ADAMTS6: variants seen among roughly 807,000 people sequenced by gnomAD.
ADAMTS6 encodes ADAM metallopeptidase with thrombospondin type 1 motif 6.
ADAMTS6 carries 23 observed loss-of-function variants against 144.3 expected under a neutral mutation model. The observed-to-expected ratio is 0.16, with a 90% CI of 0.11 to 0.23. ADAMTS6 has a LOEUF of 0.23. Ranked by LOEUF, ADAMTS6 falls within the 10% of genes least tolerant of loss-of-function variation. ADAMTS6 has a pLI of 1.00. For missense variants in ADAMTS6, 999 were observed against 1,379.6 expected, an observed-to-expected ratio of 0.72 and a Z score of 4.37; for synonymous variants, 444 against 457.5, an observed-to-expected ratio of 0.97 and a Z score of 0.38.
chr5:65,337,323 T>C (rs988917497), intron 7 of ADAMTS6, among the ~76,000 whole-genome samples: 1 of 152,154 alleles, frequency 6.6e-6, no homozygotes, highest in Non-Finnish European at 1.5e-5. Flanking sequence ...TTGCTTTTAG[T>C]TTATTATTTA....
At chr5:65,164,237 G>T (rs1213453752) in intron 24 of ADAMTS6, among the ~76,000 whole-genome samples, 1 of 151,894 alleles carries the variant, frequency 6.6e-6, no homozygotes, top group Non-Finnish European at 1.5e-5. Flanking sequence ...AGGGGTCAGG[G>T]AGTTCCCTTT....
intron 3 of ADAMTS6, among the ~76,000 whole-genome samples, chr5:65,468,195 T>C (rs1760169858): frequency 6.6e-6 from 1 of 152,136 alleles, no homozygotes; most frequent in Admixed American, 6.5e-5. Flanking sequence ...ACTAAAACTA[T>C]GGGTGAGGAG....
intron 3 of ADAMTS6, among the ~76,000 whole-genome samples, chr5:65,466,404 G>C (rs1172096907): frequency 6.6e-6 from 1 of 151,896 alleles, no homozygotes; most frequent in Non-Finnish European, 1.5e-5. Flanking sequence ...TTTCCCTTAG[G>C]GTCTTTGCTC....
intron 1 of ADAMTS6, among the ~76,000 whole-genome samples, chr5:65,475,280 A>G (rs980611807): frequency 2.0e-5 from 3 of 152,228 alleles, no homozygotes; most frequent in Non-Finnish European, 4.4e-5. Flanking sequence ...TAAAACAACA[A>G]CAGCCATTTA....
At position 65,215,326 on chromosome 5, in the gene ADAMTS6, T is replaced by C. The variant is rs1237404365; in HGVS notation, c.2434A>G (p.Met812Val). The C allele has an allele frequency of 2.5e-6, 4 of 1,613,192 alleles. No individual in the cohort carries two copies. Among genetic ancestry groups the C allele is most frequent in the South Asian group, 1.1e-5 (1 of 90,846 alleles). ...LGPTSENLIV[M>V]VLLQEQNLGI... ...TACAATGGCAAAGACGCATTTACCA[T>C]GACGATGAGATTTTCTGAGGTAGGA... Residue 812 changes from methionine to valine, a missense_variant and splice_region_variant, in exon 19 of 25, where the codon ATG becomes GTG. Met to Val is a conservative substitution (Grantham distance 21). Coordinates refer to ENST00000381055, the MANE Select transcript of ADAMTS6 (RefSeq NM_197941.4).
chr5:65,408,227 C>A (rs2150177794), intron 7 of ADAMTS6, among the ~76,000 whole-genome samples: 1 of 152,234 alleles, frequency 6.6e-6, no homozygotes, highest in East Asian at 1.9e-4. Flanking sequence ...AGTCAAAACC[C>A]ATCAGTGTGC....
intron 11 of ADAMTS6, among the ~76,000 whole-genome samples, chr5:65,280,894 T>C (rs1169281232): frequency 6.6e-5 from 10 of 152,124 alleles, no homozygotes; most frequent in Admixed American, 3.9e-4. Flanking sequence ...AGATTTCAGT[T>C]CTATATACAG....
intron 12 of ADAMTS6, among the ~76,000 whole-genome samples, chr5:65,268,062 T>C (rs1580240529): frequency 6.6e-6 from 1 of 152,210 alleles, no homozygotes. Context: ...CAAAACATAC[T>C]GTATTCTACC....
chr5:65,167,300 C>T (rs887320819), intron 24 of ADAMTS6, among the ~76,000 whole-genome samples: 2 of 152,170 alleles, frequency 1.3e-5, no homozygotes, highest in African/African-American at 4.8e-5. Flanking sequence ...GGATAACTTC[C>T]TCGACACATA....
At chr5:65,469,555 C>T (rs1760274562) in intron 3 of ADAMTS6, among the ~76,000 whole-genome samples, 1 of 152,186 alleles carries the variant, frequency 6.6e-6, no homozygotes. Context: ...AAAGTCCTAA[C>T]ACTGCTTATA....
chr5:65,453,021 G>A (rs1758873000), intron 4 of ADAMTS6, 103 bp from the exon 5 acceptor site: 8 of 878,590 alleles, frequency 9.1e-6, no homozygotes, highest in Non-Finnish European at 3.3e-6. Flanking sequence ...AATATATTAA[G>A]ATTTTTCAAA....
At chr5:65,479,442 C>T (rs192050093) in intron 1 of ADAMTS6, among the ~76,000 whole-genome samples, 57 of 152,326 alleles carry the variant, frequency 3.7e-4, no homozygotes, top group Admixed American at 2.0e-3. Context: ...CATGTAGTCT[C>T]ACACTTTTTT....
At chr5:65,237,822 C>T (rs765925622) in intron 15 of ADAMTS6, among the ~76,000 whole-genome samples, 1 of 152,168 alleles carries the variant, frequency 6.6e-6, no homozygotes, top group Non-Finnish European at 1.5e-5. Flanking sequence ...CCTGTTGGCT[C>T]ACGCCTGTAA....
Position 65,385,379 on chromosome 5 carries a change from C to T in ADAMTS6, c.1074-51294G>A, listed in dbSNP as rs138389548. ...ACAAATATTCAGACAACAATGACTG[C>T]AAACTAAACTCAGAGAGACCCAAGT... On this transcript the variant is annotated intron_variant, in intron 7 of 24. Transcript: ENST00000381055. Among the ~76,000 whole-genome samples, 364 of 152,198 alleles carry T rather than the reference C, an allele frequency of 2.4e-3. 1 individual carries two copies. The highest frequency in any genetic ancestry group is 8.4e-3 in the African/African-American group (351 of 41,546).
At chr5:65,405,924 C>G (rs1475772027) in intron 7 of ADAMTS6, among the ~76,000 whole-genome samples, 1 of 152,154 alleles carries the variant, frequency 6.6e-6, no homozygotes, top group Admixed American at 6.5e-5. Flanking sequence ...AATGGGAGTT[C>G]ACTCATGATT....
chr5:65,162,144 G>A (rs1752815068), intron 24 of ADAMTS6, among the ~76,000 whole-genome samples: 1 of 152,122 alleles, frequency 6.6e-6, no homozygotes, highest in South Asian at 2.1e-4. Context: ...ATGATATTCT[G>A]CCTACTCTGA....
chr5:65,448,052 A>C (rs1368015755), intron 7 of ADAMTS6, among the ~76,000 whole-genome samples: 1 of 150,338 alleles, frequency 6.7e-6, no homozygotes, highest in Non-Finnish European at 1.5e-5. Context: ...ACAGTTATTC[A>C]TTATATTATA....
chr5:65,255,773 T>TA (rs1015252600), intron 14 of ADAMTS6, among the ~76,000 whole-genome samples: 6 of 152,148 alleles, frequency 3.9e-5, no homozygotes, highest in African/African-American at 1.4e-4. Context: ...ACTGAGCAAT[T>TA]AAAAAAAATT....
At chr5:65,355,507 A>G (rs1471772222) in intron 7 of ADAMTS6, among the ~76,000 whole-genome samples, 1 of 151,900 alleles carries the variant, frequency 6.6e-6, no homozygotes, top group Non-Finnish European at 1.5e-5. Flanking sequence ...ACATTTGACC[A>G]AAGTAAAGAT....
Sources: allele counts gnomAD v4.1 joint callset (sites outside exome capture counted in the v4.1 genomes callset), GRCh38; gene constraint gnomAD v4.1.1; transcripts MANE v1.5; gene names NCBI Gene and HGNC (gene_info 2026-07-23, HGNC 2026-07-21).